The following SRGAP1 variants were observed in gnomAD, a reference collection of about 807,000 sequenced individuals.
The protein encoded by SRGAP1 is SLIT-ROBO Rho GTPase activating protein 1, also known as SLIT-ROBO Rho GTPase-activating protein 1.
Under a neutral mutation model 121.9 loss-of-function variants are expected in SRGAP1, and 43 were observed. That is an observed-to-expected ratio of 0.35 (90% CI 0.28 to 0.46). The LOEUF (loss-of-function observed/expected upper bound fraction) is 0.46, where lower values mean the gene tolerates loss of function less well. Among genes scored for constraint, SRGAP1 ranks in the 20% least tolerant of loss-of-function variants. SRGAP1 has a pLI of 1.00. For missense variants in SRGAP1, 1,102 were observed against 1,350.9 expected (o/e 0.82, Z 2.89); for synonymous variants, 447 against 485.4 (o/e 0.92, Z 1.04).
chr12:64,043,553 A>G lies in SRGAP1; in HGVS notation c.779A>G (p.His260Arg), dbSNP rs774973950. The G allele has an allele frequency of 4.4e-6, 7 of 1,608,620 alleles. No individual in the cohort carries two copies. Among genetic ancestry groups the G allele is most frequent in the Non-Finnish European group, 5.9e-6 (7 of 1,177,934 alleles). ...GCCTCAGTTTTCAAGTACTATATTC[A>G]TGATCTTTCTGATTTAATTGATGTG... Reference protein sequence around the residue: ...TNASVFKYYIHDLSDLIDCCD... With the variant: ...TNASVFKYYIRDLSDLIDCCD... The change falls in exon 6 of 22, where the codon CAT (histidine) becomes CGT (arginine). Residue 260 changes from histidine (H) to arginine (R), a missense_variant. Coordinates refer to ENST00000355086, the MANE Select transcript of SRGAP1 (RefSeq NM_020762.4).
At chr12:63,997,968 C>A (rs912493234) in intron 3 of SRGAP1, among the ~76,000 whole-genome samples, 6 of 152,082 alleles carry the variant, frequency 3.9e-5, no homozygotes, top group African/African-American at 1.4e-4. Context: ...ATTATTTCGA[C>A]TTCAAGCAGA....
At chr12:63,991,832 T>C (rs1199136555) in intron 3 of SRGAP1, among the ~76,000 whole-genome samples, 1 of 152,198 alleles carries the variant, frequency 6.6e-6, no homozygotes, top group Non-Finnish European at 1.5e-5. Context: ...CATTTATTTA[T>C]CCATTCAACA....
chr12:64,142,931 GCAC>G lies in SRGAP1; in HGVS notation c.*263_*265del. 1 of 460,244 alleles carries G rather than the reference GCAC, an allele frequency of 2.2e-6. No homozygotes were observed. Among genetic ancestry groups the G allele is most frequent in the South Asian group, 2.6e-5 (1 of 39,046 alleles). 28.5% of individuals were successfully genotyped at this position (460,244 alleles called of 1,614,324 possible). A position where few individuals can be genotyped will look rare whatever the true frequency, so the allele number is the denominator to read the frequency against. On this transcript the variant is annotated 3_prime_UTR_variant, in exon 22 of 22. Transcript: ENST00000355086. ...TAGACTTACTTGAAAATCCAATGCT[GCAC>G]CACTTGTAATGAAGGCAACACCGCT...
At chr12:63,948,292 A>G (rs1277238272) in intron 1 of SRGAP1, among the ~76,000 whole-genome samples, 1 of 151,814 alleles carries the variant, frequency 6.6e-6, no homozygotes, top group African/African-American at 2.4e-5. Flanking sequence ...TATTCTTCCC[A>G]CCCAGTCTCT....
chr12:64,136,286 G>A (rs969409914), intron 21 of SRGAP1, among the ~76,000 whole-genome samples: 1 of 152,166 alleles, frequency 6.6e-6, no homozygotes, highest in Non-Finnish European at 1.5e-5. Flanking sequence ...AGAGTTGCTT[G>A]AGCCCAGGAG....
intron 1 of SRGAP1, among the ~76,000 whole-genome samples, chr12:63,865,934 A>G (rs890619585): frequency 2.2e-5 from 3 of 136,214 alleles, no homozygotes; most frequent in South Asian, 2.4e-4. Flanking sequence ...TCTCAGTCCA[A>G]CCACTCAGCT....
chr12:64,137,299 A>G (rs1180860042), intron 21 of SRGAP1, among the ~76,000 whole-genome samples: 3 of 152,182 alleles, frequency 2.0e-5, no homozygotes, highest in African/African-American at 7.2e-5. Context: ...TATAAAAACA[A>G]AAACTCAACA....
At chr12:64,025,783 T>C (rs111356173) in intron 4 of SRGAP1, among the ~76,000 whole-genome samples, 10 of 152,324 alleles carry the variant, frequency 6.6e-5, no homozygotes, top group African/African-American at 2.2e-4. Flanking sequence ...TGTGACTCTC[T>C]GTGAGCAACT....
chr12:63,995,964 G>A (rs982950441), intron 3 of SRGAP1, among the ~76,000 whole-genome samples: 2 of 150,604 alleles, frequency 1.3e-5, no homozygotes, highest in African/African-American at 4.9e-5. Context: ...ACATGTTTTA[G>A]TAGAAGTTAA....
chr12:64,080,401 C>A lies in SRGAP1; in HGVS notation c.1408+31C>A, dbSNP rs376795746. On this transcript the variant is annotated intron_variant, in intron 10 of 21. Coordinates refer to ENST00000355086, the MANE Select transcript of SRGAP1 (RefSeq NM_020762.4). Reference sequence around the variant, plus strand: ...TTATCCAAAATGTATGGGAAGATGACCTGGATGATACATCGTATCATGTAT... The same window carrying A: ...TTATCCAAAATGTATGGGAAGATGAACTGGATGATACATCGTATCATGTAT... The A allele has an allele frequency of 2.7e-6, 4 of 1,487,156 alleles. No individual in the cohort carries two copies. The East Asian group carries it at 9.1e-5, about 34-fold the overall frequency. 92.1% of individuals were successfully genotyped at this position (1,487,156 alleles called of 1,614,324 possible). A position where few individuals can be genotyped will look rare whatever the true frequency, so the allele number is the denominator to read the frequency against.
At chr12:63,873,152 G>T (rs1313824992) in intron 1 of SRGAP1, among the ~76,000 whole-genome samples, 1 of 152,138 alleles carries the variant, frequency 6.6e-6, no homozygotes, top group African/African-American at 2.4e-5. Context: ...CAGTGTAAGT[G>T]AATTTTACAT....
intron 1 of SRGAP1, among the ~76,000 whole-genome samples, chr12:63,920,876 G>A (rs928935452): frequency 2.6e-5 from 4 of 152,158 alleles, no homozygotes; most frequent in Non-Finnish European, 5.9e-5. Context: ...GAAGAGTAGG[G>A]TTGGGGAGAA....
intron 4 of SRGAP1, chr12:64,032,393 G>A: frequency 1.9e-6 from 1 of 523,092 alleles, no homozygotes. Context: ...TTTACAAATA[G>A]TTAAAAACTC....
chr12:64,006,867 C>T (rs61931175), intron 3 of SRGAP1, among the ~76,000 whole-genome samples: 24,303 of 152,028 alleles, frequency 0.16, 2,497 homozygotes, highest in Non-Finnish European at 0.23. Flanking sequence ...AATTTAAATC[C>T]AGAATATTTT....
intron 3 of SRGAP1, among the ~76,000 whole-genome samples, chr12:64,001,740 C>T (rs865847151): frequency 1.3e-5 from 2 of 152,182 alleles, no homozygotes; most frequent in African/African-American, 2.4e-5. Context: ...AGCTGGCCCA[C>T]AGAAAACTGA....
intron 1 of SRGAP1, among the ~76,000 whole-genome samples, chr12:63,954,506 G>A (rs1173897632): frequency 2.0e-5 from 3 of 151,764 alleles, no homozygotes; most frequent in African/African-American, 7.2e-5. Flanking sequence ...GTGAAACCCC[G>A]TCTCTACTAA....
intron 1 of SRGAP1, among the ~76,000 whole-genome samples, chr12:63,890,487 T>C (rs924959127): frequency 6.6e-6 from 1 of 152,210 alleles, no homozygotes; most frequent in Admixed American, 6.5e-5. Flanking sequence ...TGGGGTTTTG[T>C]TGTGGGAAGC....
chr12:64,098,144 C>T (rs1406712343), intron 15 of SRGAP1, among the ~76,000 whole-genome samples: 5 of 152,152 alleles, frequency 3.3e-5, no homozygotes, highest in African/African-American at 1.2e-4. Flanking sequence ...AAAGAAATCT[C>T]CGTACAGTCC....
At chr12:63,953,909 C>T (rs535651025) in intron 1 of SRGAP1, among the ~76,000 whole-genome samples, 1 of 152,346 alleles carries the variant, frequency 6.6e-6, no homozygotes, top group South Asian at 2.1e-4. Flanking sequence ...GAGCCCTAAA[C>T]TTTCACTGAC....
Sources: allele counts gnomAD v4.1 joint callset (sites outside exome capture counted in the v4.1 genomes callset), GRCh38; gene constraint gnomAD v4.1.1; transcripts MANE v1.5; gene names NCBI Gene and HGNC (gene_info 2026-07-23, HGNC 2026-07-21).